RNLS: variants seen among roughly 807,000 people sequenced by gnomAD.
RNLS encodes the protein renalase, FAD dependent amine oxidase, also known as renalase.
RNLS carries 39 observed loss-of-function variants against 39.8 expected under a neutral mutation model. The observed-to-expected ratio is 0.98, with a 90% confidence interval of 0.76 to 1.28. RNLS has a LOEUF of 1.28. RNLS is among the 50% of genes most tolerant of loss of function. The probability of loss-of-function intolerance (pLI) is 0.00; values close to 1 mark genes in which losing one functional copy is unlikely to be tolerated. For synonymous variants in RNLS, 147 were observed against 150.7 expected, an observed-to-expected ratio of 0.98 and a Z score of 0.18; for missense variants, 410 against 413.3, an observed-to-expected ratio of 0.99 and a Z score of 0.07.
intron 4 of RNLS, among the ~76,000 whole-genome samples, chr10:88,402,787 T>C (rs1853013085): frequency 1.3e-5 from 2 of 152,146 alleles, no homozygotes; most frequent in East Asian, 1.9e-4. Flanking sequence ...GTACAAGCTA[T>C]AGACAAGCAG....
intron 5 of RNLS, among the ~76,000 whole-genome samples, chr10:88,322,765 T>C (rs151024876): frequency 1.1e-4 from 16 of 152,288 alleles, no homozygotes; most frequent in Admixed American, 3.3e-4. Context: ...TTCAACATAT[T>C]ACTGGAAGTC....
chr10:88,529,927 G>A (rs1847319112), intron 4 of RNLS, among the ~76,000 whole-genome samples: 1 of 152,100 alleles, frequency 6.6e-6, no homozygotes, highest in Non-Finnish European at 1.5e-5. Context: ...TCTGATGAAT[G>A]TGTTTTTCCA....
At chr10:88,365,668 A>G (rs1361305400) in intron 4 of RNLS, among the ~76,000 whole-genome samples, 2 of 152,014 alleles carry the variant, frequency 1.3e-5, no homozygotes, top group African/African-American at 4.8e-5. Context: ...TAGTGAACAG[A>G]GTAGTTCACA....
intron 6 of RNLS, among the ~76,000 whole-genome samples, chr10:88,305,889 C>T (rs1373825494): frequency 6.6e-6 from 1 of 152,156 alleles, no homozygotes; most frequent in African/African-American, 2.4e-5. Flanking sequence ...TTCTCATTGT[C>T]ATCTGGCACA....
the RNLS span, among the ~76,000 whole-genome samples, chr10:88,237,303 C>CCCTTCCCTCTTCCCCTT: frequency 1.4e-5 from 2 of 147,220 alleles, no homozygotes; most frequent in African/African-American, 5.0e-5. Context: ...CTCCCTCCCT[C>CCCTTCCCTCTTCCCCTT]CCTTCCCTCT....
intron 4 of RNLS, among the ~76,000 whole-genome samples, chr10:88,402,558 A>G (rs1852998045): frequency 6.6e-6 from 1 of 151,980 alleles, no homozygotes; most frequent in Admixed American, 6.6e-5. Flanking sequence ...AGGCAAAAAG[A>G]CCAAGTCATT....
the RNLS span, among the ~76,000 whole-genome samples, chr10:88,230,064 A>C: frequency 6.6e-6 from 1 of 152,114 alleles, no homozygotes; most frequent in Non-Finnish European, 1.5e-5. Context: ...TGACTTGGAG[A>C]AATGGAGTTG....
At chr10:88,289,865 G>A (rs1293113732) in intron 6 of RNLS, among the ~76,000 whole-genome samples, 3 of 152,126 alleles carry the variant, frequency 2.0e-5, no homozygotes, top group Non-Finnish European at 4.4e-5. Flanking sequence ...GATGAATGAA[G>A]GGGTGTCCTC....
At chr10:88,441,803 T>C (rs1841728434) in intron 4 of RNLS, among the ~76,000 whole-genome samples, 1 of 152,182 alleles carries the variant, frequency 6.6e-6, no homozygotes, top group Non-Finnish European at 1.5e-5. Context: ...ACCGTGTTTA[T>C]TCTAGGATTA....
At position 88,314,463 on chromosome 10, in the gene RNLS, T is replaced by A. The variant is rs1443635121; in HGVS notation, c.876+3A>T. The A allele has an allele frequency of 1.2e-6, 2 of 1,613,510 alleles. No homozygotes were observed. Among genetic ancestry groups the A allele is most frequent in the African/African-American group, 2.7e-5 (2 of 74,934 alleles). ...TGCTTAGACCACTGGATTCTTTGAT[T>A]ACCTGTGAATGTCTCCATTTTTGGC... On this transcript the variant is annotated splice_donor_region_variant and intron_variant, in intron 6 of 6. Transcript: ENST00000331772.
the RNLS span, among the ~76,000 whole-genome samples, chr10:88,244,660 C>A: frequency 6.6e-6 from 1 of 151,906 alleles, no homozygotes; most frequent in Non-Finnish European, 1.5e-5. Flanking sequence ...GCTTTTCCTT[C>A]CCCCTTTGCA....
the RNLS span, among the ~76,000 whole-genome samples, chr10:88,250,956 G>C: frequency 6.6e-6 from 1 of 152,178 alleles, no homozygotes; most frequent in Non-Finnish European, 1.5e-5. Context: ...ACTTGAAACT[G>C]TTAAATGTGT....
At chr10:88,260,422 A>G in the RNLS span, among the ~76,000 whole-genome samples, 3 of 152,372 alleles carry the variant, frequency 2.0e-5, no homozygotes, top group East Asian at 5.8e-4. Context: ...CCTTATAGCA[A>G]TTGTACAAAG....
chr10:88,578,666 T>TTAAC (rs1850350593), intron 3 of RNLS, among the ~76,000 whole-genome samples: 1 of 152,128 alleles, frequency 6.6e-6, no homozygotes, highest in South Asian at 2.1e-4. Flanking sequence ...TTTATATCAC[T>TTAAC]CTACCTACTA....
chr10:88,435,966 G>C (rs566098529), intron 4 of RNLS, among the ~76,000 whole-genome samples: 22 of 152,146 alleles, frequency 1.4e-4, no homozygotes, highest in African/African-American at 5.3e-4. Flanking sequence ...TGATCTCTCT[G>C]CAAAATCCCA....
chr10:88,420,321 GCTAA>G (rs1474169060), intron 4 of RNLS, among the ~76,000 whole-genome samples: 6 of 152,152 alleles, frequency 3.9e-5, no homozygotes, highest in African/African-American at 1.2e-4. Flanking sequence ...GCTGGCTGAT[GCTAA>G]CTGATTTTTC....
intron 4 of RNLS, among the ~76,000 whole-genome samples, chr10:88,523,891 G>C (rs1385066059): frequency 2.6e-5 from 4 of 152,042 alleles, no homozygotes; most frequent in African/African-American, 4.8e-5. Context: ...CCATACCTCT[G>C]CCGACCTACA....
chr10:88,473,662 G>A (rs142483005), intron 4 of RNLS, among the ~76,000 whole-genome samples: 63 of 152,200 alleles, frequency 4.1e-4, no homozygotes, highest in African/African-American at 1.4e-3. Flanking sequence ...TTAAGAAGAC[G>A]TCTTTAAATA....
chr10:88,197,453 A>G, the RNLS span, among the ~76,000 whole-genome samples: 1 of 151,720 alleles, frequency 6.6e-6, no homozygotes, highest in East Asian at 1.9e-4. Context: ...CCTATTCCCT[A>G]CTCAGTAGCT....
Sources: allele counts gnomAD v4.1 joint callset (sites outside exome capture counted in the v4.1 genomes callset), GRCh38; gene constraint gnomAD v4.1.1; transcripts MANE v1.5; gene names NCBI Gene and HGNC (gene_info 2026-07-23, HGNC 2026-07-21).